SLC25A24: variants seen among roughly 807,000 people sequenced by gnomAD.
The protein encoded by SLC25A24 is solute carrier family 25 member 24, also known as mitochondrial adenyl nucleotide antiporter SLC25A24.
A neutral mutation model predicts 60.7 loss-of-function variants in SLC25A24; 49 were observed. The ratio of observed to expected loss-of-function variants is 0.81; its 90% CI spans 0.64 to 1.02. The LOEUF (loss-of-function observed/expected upper bound fraction) is 1.02. Among genes scored for constraint, SLC25A24 ranks in the 50% least tolerant of loss-of-function variants. The probability of loss-of-function intolerance (pLI) is 0.00; values close to 1 mark genes in which losing one functional copy is unlikely to be tolerated. For synonymous variants in SLC25A24, 202 were observed against 200.6 expected (o/e 1.01, Z -0.06); for missense variants, 564 against 586.3 (o/e 0.96, Z 0.39).
intron 3 of SLC25A24, among the ~76,000 whole-genome samples, chr1:108,167,533 A>G (rs374743685): frequency 1.1e-4 from 16 of 150,684 alleles, no homozygotes; most frequent in African/African-American, 3.2e-4. Flanking sequence ...CGCAGTATTC[A>G]GGTGGGAGTG....
chr1:108,175,415 C>T (rs980148657), intron 3 of SLC25A24, among the ~76,000 whole-genome samples: 1 of 152,262 alleles, frequency 6.6e-6, no homozygotes, highest in East Asian at 1.9e-4. Context: ...CTCAGCCAAG[C>T]AAAAGTAAGT....
chr1:108,136,818 T>C lies in SLC25A24; in HGVS notation c.1269A>G (p.Pro423=). 1 of 1,613,984 alleles carries C rather than the reference T, an allele frequency of 6.2e-7. No homozygotes were observed. Among genetic ancestry groups the C allele is most frequent in the Non-Finnish European group, 8.5e-7 (1 of 1,179,918 alleles). The part of the protein sequence containing the change: ...MQAQAMLEGS[P]QLNMVGLFRR... ...GAAAGAGGCCAACCATATTCAGCTG[T>C]GGGGAACCTTCTAACATGGCTAAAA... is the stretch of plus-strand genomic sequence containing the variant. The change falls in exon 10 of 10, where the codon CCA becomes CCG. Residue 423 remains proline, a synonymous_variant. Coordinates refer to ENST00000565488, the MANE Select transcript of SLC25A24 (RefSeq NM_013386.5).
chr1:108,169,379 T>C lies in SLC25A24; in HGVS notation c.399-8086A>G, dbSNP rs557426729. Among the ~76,000 whole-genome samples, 205 of 152,318 alleles carry C rather than the reference T, an allele frequency of 1.3e-3. 2 individuals are homozygous for C. Among genetic ancestry groups the C allele is most frequent in the African/African-American group, 4.6e-3 (190 of 41,568 alleles). ...TTTTTTTAATGGCATTGAATCTCTA[T>C]CACCAATTTGGAGAGAAGGTACATC... On this transcript the variant is annotated intron_variant, in intron 3 of 9. Coordinates refer to ENST00000565488, the MANE Select transcript of SLC25A24 (RefSeq NM_013386.5).
intron 3 of SLC25A24, among the ~76,000 whole-genome samples, chr1:108,175,407 C>A (rs1284959769): frequency 2.6e-5 from 4 of 152,192 alleles, no homozygotes; most frequent in South Asian, 2.1e-4. Context: ...GAGGGCTCCT[C>A]AGCCAAGCAA....
rs150141198 is a variant in SLC25A24 at position 108,161,225 on chromosome 1, A to G, written c.467T>C (p.Val156Ala). The change falls in exon 4 of 10, where the codon GTT becomes GCT. Residue 156 changes from valine to alanine, a missense_variant. Physicochemically the swap from Val to Ala is moderately conservative, Grantham distance 64. Transcript: ENST00000565488. ...ACGGATAATTTCCTCAATGTCTGTA[A>G]CAGGATTAAATAAGAAGTAGTCTCT... ...EWRDYFLFNPVTDIEEIIRFW... is the reference protein window; with the variant it reads ...EWRDYFLFNPATDIEEIIRFW... 1.2e-6 allele frequency: 2 copies of G among 1,600,214 alleles called. No individual in the cohort carries two copies. Among genetic ancestry groups the G allele is most frequent in the African/African-American group, 2.7e-5 (2 of 74,668 alleles).
intron 4 of SLC25A24, among the ~76,000 whole-genome samples, chr1:108,160,533 C>A (rs576239291): frequency 6.6e-6 from 1 of 152,314 alleles, no homozygotes; most frequent in South Asian, 2.1e-4. Context: ...ACGCTCCTCA[C>A]TTCCCAGACG....
At chr1:108,146,009 C>G (rs1477790580) in intron 7 of SLC25A24, among the ~76,000 whole-genome samples, 1 of 152,070 alleles carries the variant, frequency 6.6e-6, no homozygotes, top group African/African-American at 2.4e-5. Context: ...GCCACTGATT[C>G]TTCCTATGAT....
intron 3 of SLC25A24, among the ~76,000 whole-genome samples, chr1:108,167,354 G>A (rs932623546): frequency 1.4e-4 from 21 of 152,104 alleles, no homozygotes; most frequent in African/African-American, 5.1e-4. Context: ...GTTTACCTAA[G>A]CAAGCCTGGG....
At chr1:108,168,543 T>C (rs1647308366) in intron 3 of SLC25A24, among the ~76,000 whole-genome samples, 1 of 152,184 alleles carries the variant, frequency 6.6e-6, no homozygotes, top group African/African-American at 2.4e-5. Context: ...ATTGACAAAC[T>C]TCCTAGATAA....
intron 8 of SLC25A24, among the ~76,000 whole-genome samples, chr1:108,141,150 T>C (rs1207879371): frequency 1.3e-5 from 2 of 152,068 alleles, no homozygotes; most frequent in Non-Finnish European, 2.9e-5. Context: ...CATAATTACA[T>C]CAGACAAAAT....
intron 9 of SLC25A24, among the ~76,000 whole-genome samples, chr1:108,137,186 A>G (rs897109121): frequency 1.5e-4 from 23 of 152,216 alleles, no homozygotes; most frequent in African/African-American, 5.5e-4. Flanking sequence ...AAATCTAAGT[A>G]GAAAATGGTA....
chr1:108,174,487 T>C (rs1436023566), intron 3 of SLC25A24, among the ~76,000 whole-genome samples: 3 of 152,180 alleles, frequency 2.0e-5, no homozygotes, highest in Non-Finnish European at 4.4e-5. Context: ...GGTGGAGCCC[T>C]TGAGGAGAAC....
At chr1:108,161,953 C>G (rs182963689) in intron 3 of SLC25A24, among the ~76,000 whole-genome samples, 1 of 131,200 alleles carries the variant, frequency 7.6e-6, no homozygotes, top group Admixed American at 8.4e-5. Context: ...CCCCTCCCCC[C>G]ACCCCACAAC....
chr1:108,181,253 T>C (rs1647920992), intron 3 of SLC25A24, among the ~76,000 whole-genome samples: 1 of 152,104 alleles, frequency 6.6e-6, no homozygotes, highest in Admixed American at 6.5e-5. Context: ...TTAGACAATG[T>C]GAGGACTGAA....
intron 7 of SLC25A24, among the ~76,000 whole-genome samples, chr1:108,147,395 C>T (rs1041359552): frequency 4.6e-5 from 7 of 152,146 alleles, no homozygotes; most frequent in African/African-American, 1.4e-4. Context: ...AAGGGTTTTT[C>T]GTGTCTCTAT....
intron 4 of SLC25A24, among the ~76,000 whole-genome samples, 164 bp downstream of exon 4, chr1:108,161,018 T>C (rs996972690): frequency 2.0e-5 from 3 of 151,874 alleles, no homozygotes; most frequent in African/African-American, 7.3e-5. Flanking sequence ...TTTTGTTTAA[T>C]ACTCTATAAA....
intron 1 of SLC25A24, among the ~76,000 whole-genome samples, chr1:108,195,444 T>C (rs1045351203): frequency 6.6e-6 from 1 of 152,208 alleles, no homozygotes; most frequent in Non-Finnish European, 1.5e-5. Flanking sequence ...TACTAAAGAA[T>C]TCTTCCATTT....
Position 108,135,391 on chromosome 1 carries a change from G to A in SLC25A24, c.*1262C>T, listed in dbSNP as rs1006966892. 6.6e-6 allele frequency: 1 copy of A among 152,392 alleles called. No individual in the cohort carries two copies. Among genetic ancestry groups the A allele is most frequent in the African/African-American group, 2.4e-5 (1 of 41,376 alleles). The allele number at this position is 152,392 out of a possible 1,614,324, so 9.4% of individuals were successfully genotyped here. Reference sequence around the variant, plus strand: ...ATTATTAGAAGTGAAATGAGTTTAAGAACTAAATTAAAAACTGATAATAAC... The same window carrying A: ...ATTATTAGAAGTGAAATGAGTTTAAAAACTAAATTAAAAACTGATAATAAC... On this transcript the variant is annotated 3_prime_UTR_variant, in exon 10 of 10. Transcript: ENST00000565488.
chr1:108,171,120 TC>T (rs1384932778), intron 3 of SLC25A24, among the ~76,000 whole-genome samples: 1 of 152,198 alleles, frequency 6.6e-6, no homozygotes, highest in East Asian at 1.9e-4. Context: ...TTGGATTGTT[TC>T]AATCTTATGT....
Sources: gnomAD v4.1 joint callset for allele counts (sites outside exome capture counted in the v4.1 genomes callset) on GRCh38, gnomAD v4.1.1 for gene constraint, MANE v1.5 for transcripts, NCBI Gene and HGNC (gene_info 2026-07-23, HGNC 2026-07-21) for gene names.